The following ITGB6 variants were observed in gnomAD, a reference collection of about 807,000 sequenced individuals.
ITGB6 encodes the protein integrin beta-6.
ITGB6 carries 80 observed loss-of-function variants against 84.5 expected under a neutral mutation model. That is an observed-to-expected ratio of 0.95 (90% CI 0.79 to 1.14). The LOEUF (loss-of-function observed/expected upper bound fraction) is 1.14. Ranked by LOEUF, ITGB6 falls within the 50% of genes most tolerant of loss-of-function variation. ITGB6 has a pLI of 0.00. For missense variants in ITGB6, 1,006 were observed against 968.0 expected, an observed-to-expected ratio of 1.04 and a Z score of -0.52; for synonymous variants, 383 against 354.9, an observed-to-expected ratio of 1.08 and a Z score of -0.89.
At chr2:160,193,597 A>G (rs1686223517) in intron 4 of ITGB6, among the ~76,000 whole-genome samples, 1 of 152,246 alleles carries the variant, frequency 6.6e-6, no homozygotes, top group Non-Finnish European at 1.5e-5. Flanking sequence ...TGATCTGTGC[A>G]TTTTAGGCAT....
At chr2:160,145,945 T>G (rs1357815378) in intron 7 of ITGB6, among the ~76,000 whole-genome samples, 1 of 152,176 alleles carries the variant, frequency 6.6e-6, no homozygotes, top group East Asian at 1.9e-4. Flanking sequence ...GTGTTTCGTA[T>G]TAACTGTATC....
chr2:160,138,023 A>T (rs1315823840), intron 9 of ITGB6, 42 bp downstream of exon 9: 3 of 1,579,286 alleles, frequency 1.9e-6, no homozygotes, highest in Non-Finnish European at 2.6e-6. Context: ...TTTCTGACCC[A>T]TCCAGGTATT....
At chr2:160,188,504 C>T (rs992226673) in intron 4 of ITGB6, among the ~76,000 whole-genome samples, 1 of 152,110 alleles carries the variant, frequency 6.6e-6, no homozygotes, top group Admixed American at 6.6e-5. Context: ...CTGGTCTCCC[C>T]CTAATCACAC....
At chr2:160,194,540 C>G (rs1320096656) in intron 4 of ITGB6, among the ~76,000 whole-genome samples, 3 of 151,956 alleles carry the variant, frequency 2.0e-5, no homozygotes, top group Non-Finnish European at 2.9e-5. Context: ...CTCTCAGAGC[C>G]TCTTACTTCC....
At chr2:160,132,729 C>CAT (rs529604374) in intron 10 of ITGB6, among the ~76,000 whole-genome samples, 9 of 151,758 alleles carry the variant, frequency 5.9e-5, no homozygotes, top group East Asian at 1.9e-4. Context: ...TATATGTGTG[C>CAT]ATATATATAT....
chr2:160,164,415 G>C (rs1684926842), intron 7 of ITGB6, among the ~76,000 whole-genome samples: 1 of 152,100 alleles, frequency 6.6e-6, no homozygotes, highest in South Asian at 2.1e-4. Flanking sequence ...TTTTAGGCTG[G>C]GCACAGTGGC....
intron 14 of ITGB6, among the ~76,000 whole-genome samples, chr2:160,102,338 A>T (rs1366246078): frequency 6.6e-6 from 1 of 152,236 alleles, no homozygotes; most frequent in Non-Finnish European, 1.5e-5. Flanking sequence ...GGCACAAATA[A>T]TCATGCTAAG....
rs544493477 is a variant in ITGB6 at position 160,137,588 on chromosome 2, G to A, written c.1506C>T (p.Cys502=). 5 of 1,614,180 alleles carry A rather than the reference G, an allele frequency of 3.1e-6. No individual in the cohort carries two copies. Among genetic ancestry groups the A allele is most frequent in the Admixed American group, 3.3e-5 (2 of 60,026 alleles). ...AGGAGGGATGATCTGGGGCCTCCTT[G>A]CAGGAATCTGTGCTCAGCATGTCCT... ...CGEDMLSTDS[C]KEAPDHPSCS... The change falls in exon 10 of 15, where the codon TGC becomes TGT. Residue 502 remains cysteine (C), a synonymous_variant. Transcript: ENST00000283249.
chr2:160,130,984 C>T (rs1295586758), intron 10 of ITGB6, among the ~76,000 whole-genome samples: 1 of 152,166 alleles, frequency 6.6e-6, no homozygotes, highest in Non-Finnish European at 1.5e-5. Context: ...CTCCTCTCTC[C>T]TGGCCTTCCA....
chr2:160,139,834 G>T (rs556195561), intron 8 of ITGB6, among the ~76,000 whole-genome samples: 91 of 152,218 alleles, frequency 6.0e-4, no homozygotes, highest in African/African-American at 2.1e-3. Context: ...CTTATCCTTG[G>T]GATTGCTGAT....
intron 7 of ITGB6, among the ~76,000 whole-genome samples, chr2:160,157,505 G>A (rs1406226080): frequency 6.6e-6 from 1 of 152,150 alleles, no homozygotes; most frequent in Non-Finnish European, 1.5e-5. Context: ...GCAAATGCCA[G>A]CAGCAAGTGA....
intron 7 of ITGB6, among the ~76,000 whole-genome samples, chr2:160,152,299 C>T (rs1311562874): frequency 1.3e-5 from 2 of 152,128 alleles, no homozygotes; most frequent in Non-Finnish European, 2.9e-5. Context: ...TCAACATATG[C>T]AAATCAATAA....
At chr2:160,177,370 T>C (rs1315974069) in intron 4 of ITGB6, among the ~76,000 whole-genome samples, 2 of 151,858 alleles carry the variant, frequency 1.3e-5, no homozygotes, top group South Asian at 2.1e-4. Flanking sequence ...ATAGAGACCA[T>C]CCTGGCTAAC....
At chr2:160,169,461 C>A (rs1685125093) in intron 6 of ITGB6, among the ~76,000 whole-genome samples, 154 bp from the exon 7 acceptor site, 1 of 152,218 alleles carries the variant, frequency 6.6e-6, no homozygotes, top group Admixed American at 6.5e-5. Context: ...ACACAATTAG[C>A]ATTATTCACT....
intron 2 of ITGB6, among the ~76,000 whole-genome samples, chr2:160,197,260 C>T (rs773159280): frequency 9.2e-5 from 14 of 151,996 alleles, no homozygotes; most frequent in Admixed American, 4.6e-4. Flanking sequence ...CATGCCACTG[C>T]ACTCTAGCCT....
intron 5 of ITGB6, 119 bp from the exon 6 acceptor site, chr2:160,172,849 C>T: frequency 1.4e-6 from 1 of 703,506 alleles, no homozygotes; most frequent in Non-Finnish European, 2.4e-6. Context: ...TCTATTTTAG[C>T]CTTTTTATCT....
chr2:160,108,189 T>G (rs10497212), intron 13 of ITGB6, among the ~76,000 whole-genome samples: 26,854 of 150,296 alleles, frequency 0.18, 2,735 homozygotes, highest in Admixed American at 0.31. Flanking sequence ...TGGTCTCTTC[T>G]GAGTTCACGA....
chr2:160,177,067 G>A (rs1685445826), intron 4 of ITGB6, among the ~76,000 whole-genome samples: 1 of 151,876 alleles, frequency 6.6e-6, no homozygotes. Flanking sequence ...GCCATCTGTG[G>A]TATTAGTGTA....
chr2:160,111,742 G>A (rs1682525490), intron 13 of ITGB6, among the ~76,000 whole-genome samples: 1 of 151,864 alleles, frequency 6.6e-6, no homozygotes, highest in Admixed American at 6.6e-5. Context: ...ACCATACCCG[G>A]CTAATTTTTG....
Sources: gnomAD v4.1 joint callset for allele counts (sites outside exome capture counted in the v4.1 genomes callset) on GRCh38, gnomAD v4.1.1 for gene constraint, MANE v1.5 for transcripts, NCBI Gene and HGNC (gene_info 2026-07-23, HGNC 2026-07-21) for gene names.